RPTOR: variants seen among roughly 807,000 people sequenced by gnomAD.
The protein encoded by RPTOR is regulatory associated protein of MTOR complex 1, also known as regulatory-associated protein of mTOR.
Under a neutral mutation model 169.9 loss-of-function variants are expected in RPTOR, and 21 were observed. That is an observed-to-expected ratio of 0.12 (90% CI 0.09 to 0.18). RPTOR has a LOEUF of 0.18. Among genes scored for constraint, RPTOR ranks in the 10% least tolerant of loss-of-function variants. RPTOR has a pLI of 1.00. For synonymous variants in RPTOR, 732 were observed against 753.2 expected (o/e 0.97, Z 0.46); for missense variants, 1,133 against 1,855.9 (o/e 0.61, Z 7.16).
chr17:80,884,733 A>G (rs1213298093), intron 16 of RPTOR, among the ~76,000 whole-genome samples: 1 of 152,038 alleles, frequency 6.6e-6, no homozygotes, highest in Non-Finnish European at 1.5e-5. Context: ...TCATCAGCAC[A>G]TTCCCTGGTG....
intron 6 of RPTOR, among the ~76,000 whole-genome samples, chr17:80,759,728 G>A (rs61197798): frequency 0.21 from 32,565 of 151,616 alleles, 3,824 homozygotes; most frequent in South Asian, 0.28. Flanking sequence ...CAGTAATTAC[G>A]TATGTTTTTA....
In RPTOR at chr17:80,801,242, CCA is replaced by C. The variant is rs372129841; in HGVS notation, c.890+9734_890+9735del. Reference sequence around the variant, plus strand: ...AAGCATTTACTGAGCCCCCATGGTGCCAGGCATCGTGCTGAGGCCTTTACAAA... The same window carrying C: ...AAGCATTTACTGAGCCCCCATGGTGCGGCATCGTGCTGAGGCCTTTACAAA... On this transcript the variant is annotated intron_variant, in intron 7 of 33. Transcript: ENST00000306801. Among the ~76,000 whole-genome samples, 134 of 152,296 alleles carry C rather than the reference CCA, an allele frequency of 8.8e-4. 2 individuals carry two copies. The East Asian group carries it at 0.023, about 26-fold the overall frequency.
chr17:80,915,841 C>T (rs1348478380), intron 21 of RPTOR, among the ~76,000 whole-genome samples: 1 of 151,712 alleles, frequency 6.6e-6, no homozygotes. Flanking sequence ...GTTACCCACT[C>T]CAGGGTCTCC....
chr17:80,838,900 G>A (rs1461552228), intron 10 of RPTOR, among the ~76,000 whole-genome samples: 1 of 152,240 alleles, frequency 6.6e-6, no homozygotes, highest in African/African-American at 2.4e-5. Flanking sequence ...GAAGGACAAA[G>A]GGAGTTAATG....
chr17:80,902,261 A>C (rs1006169150), intron 20 of RPTOR, among the ~76,000 whole-genome samples: 1 of 151,968 alleles, frequency 6.6e-6, no homozygotes, highest in African/African-American at 2.4e-5. Flanking sequence ...TTAAAACCGC[A>C]TTTTCTGTAG....
chr17:80,905,000 G>A (rs150094536), intron 20 of RPTOR, among the ~76,000 whole-genome samples: 158 of 152,180 alleles, frequency 1.0e-3, no homozygotes, highest in African/African-American at 3.6e-3. Context: ...CAACAATAGC[G>A]TTGGCCCTCG....
intron 2 of RPTOR, among the ~76,000 whole-genome samples, chr17:80,634,372 G>GTGTGCATGTGCGTAC (rs2065474240): frequency 2.1e-5 from 2 of 94,992 alleles, no homozygotes; most frequent in Non-Finnish European, 4.2e-5. Flanking sequence ...TGTGCATACT[G>GTGTGCATGTGCGTAC]TGTGTGTGCA....
chr17:80,950,262 C>T (rs551771784), intron 28 of RPTOR, among the ~76,000 whole-genome samples: 13 of 152,232 alleles, frequency 8.5e-5, no homozygotes, highest in Non-Finnish European at 1.8e-4. Context: ...GTTACCCCGC[C>T]AGCCCCCCTC....
In RPTOR at chr17:80,886,638, G is replaced by GGGCTGTGGCCC. The variant is rs532976652; in HGVS notation, c.1983+1491_1983+1501dup. ...GTTCCCCAAGAGCCATCCCGTGGCC[G>GGGCTGTGGCCC]GGCTGTGGCCCTGTGGTGTGGCCCT... On this transcript the variant is annotated intron_variant, in intron 17 of 33. Transcript: ENST00000306801. Among the ~76,000 whole-genome samples, 63 of 152,386 alleles carry GGGCTGTGGCCC rather than the reference G, an allele frequency of 4.1e-4. No homozygotes were observed. In the East Asian group the frequency reaches 8.3e-3, roughly 20 times the overall value.
In RPTOR at chr17:80,966,339, G is replaced by A. The variant is rs1007264564; in HGVS notation, c.*2009G>A. 8.6e-4 allele frequency: 199 copies of A among 230,116 alleles called. 1 individual carries two copies. Among genetic ancestry groups the A allele is most frequent in the Non-Finnish European group, 7.8e-5 (9 of 116,094 alleles). 14.3% of individuals were successfully genotyped at this position (230,116 alleles called of 1,614,324 possible). A position where few individuals can be genotyped will look rare whatever the true frequency, so the allele number is the denominator to read the frequency against. ...ATGGTAATGTGAAGCTAAGAGCAGAGAGTGACCAACAGTAAACAACACGCG... is the reference window on the plus strand; with the variant it reads ...ATGGTAATGTGAAGCTAAGAGCAGAAAGTGACCAACAGTAAACAACACGCG... On this transcript the variant is annotated 3_prime_UTR_variant, in exon 34 of 34. Coordinates refer to ENST00000306801, the MANE Select transcript of RPTOR (RefSeq NM_020761.3).
At chr17:80,585,976 G>A (rs1332524899) in intron 1 of RPTOR, among the ~76,000 whole-genome samples, 1 of 151,478 alleles carries the variant, frequency 6.6e-6, no homozygotes, top group African/African-American at 2.4e-5. Flanking sequence ...ATATTGTTCC[G>A]AGGTCTTCTG....
intron 4 of RPTOR, among the ~76,000 whole-genome samples, chr17:80,709,804 T>C (rs2066172084): frequency 6.6e-6 from 1 of 152,164 alleles, no homozygotes; most frequent in African/African-American, 2.4e-5. Flanking sequence ...TCCCTGCTGC[T>C]CAAAGCGCCT....
At chr17:80,938,921 A>G (rs1056625364) in intron 24 of RPTOR, among the ~76,000 whole-genome samples, 2 of 152,230 alleles carry the variant, frequency 1.3e-5, no homozygotes, top group East Asian at 3.8e-4. Flanking sequence ...ACGACCGCCT[A>G]AAACTCCACA....
At chr17:80,903,724 C>T (rs1265067788) in intron 20 of RPTOR, among the ~76,000 whole-genome samples, 2 of 152,158 alleles carry the variant, frequency 1.3e-5, no homozygotes, top group Non-Finnish European at 2.9e-5. Flanking sequence ...CCGCGTGCAG[C>T]TCCAGAGACC....
At chr17:80,653,953 T>C (rs7220294) in intron 3 of RPTOR, among the ~76,000 whole-genome samples, 28,856 of 152,156 alleles carry the variant, frequency 0.19, 2,947 homozygotes, top group East Asian at 0.24. Flanking sequence ...AAGATTAAAT[T>C]CCCCCCACAA....
intron 1 of RPTOR, among the ~76,000 whole-genome samples, chr17:80,618,384 T>C (rs1048156790): frequency 6.6e-6 from 1 of 152,254 alleles, no homozygotes; most frequent in African/African-American, 2.4e-5. Flanking sequence ...AAACTTATTT[T>C]GTATGCAGTT....
At chr17:80,942,689 G>A (rs6565500) in intron 25 of RPTOR, among the ~76,000 whole-genome samples, 91,102 of 152,018 alleles carry the variant, frequency 0.6, 27,580 homozygotes, top group African/African-American at 0.66. Flanking sequence ...GAAAAAGGAG[G>A]AATTGATGCC....
intron 2 of RPTOR, among the ~76,000 whole-genome samples, chr17:80,627,267 G>A (rs998913585): frequency 1.3e-5 from 2 of 152,158 alleles, no homozygotes; most frequent in Non-Finnish European, 2.9e-5. Context: ...TGATCCACCC[G>A]CCTTGGCCTC....
intron 25 of RPTOR, chr17:80,945,417 C>T: frequency 3.2e-6 from 1 of 309,852 alleles, no homozygotes; most frequent in South Asian, 4.4e-5. Context: ...ACGGTGAAAC[C>T]CCATCTCTAC....
Sources: allele counts gnomAD v4.1 joint callset (sites outside exome capture counted in the v4.1 genomes callset), GRCh38; gene constraint gnomAD v4.1.1; transcripts MANE v1.5; gene names NCBI Gene and HGNC (gene_info 2026-07-23, HGNC 2026-07-21).